RAP1GAP2: variants seen among roughly 807,000 people sequenced by gnomAD.
RAP1GAP2 encodes the protein RAP1 GTPase activating protein 2, also known as rap1 GTPase-activating protein 2.
In RAP1GAP2, 27 loss-of-function variants were observed where a neutral mutation model predicts 95.0. The observed-to-expected ratio is 0.28, with a 90% CI of 0.21 to 0.39. The LOEUF (loss-of-function observed/expected upper bound fraction) is 0.39, where lower values mean the gene tolerates loss of function less well. RAP1GAP2 is among the 10% of genes least tolerant of loss of function. The probability of loss-of-function intolerance (pLI) is 1.00; values close to 1 mark genes in which losing one functional copy is unlikely to be tolerated. For synonymous variants in RAP1GAP2, 373 were observed against 380.9 expected, an observed-to-expected ratio of 0.98 and a Z score of 0.24; for missense variants, 771 against 970.0, an observed-to-expected ratio of 0.79 and a Z score of 2.72.
chr17:2,981,476 G>A (rs2045354552), intron 10 of RAP1GAP2, among the ~76,000 whole-genome samples: 2 of 152,180 alleles, frequency 1.3e-5, no homozygotes, highest in South Asian at 2.1e-4. Context: ...TCCCCAGGCT[G>A]CTGTGAAGGT....
intron 3 of RAP1GAP2, among the ~76,000 whole-genome samples, 181 bp from the exon 4 acceptor site, chr17:2,957,578 G>C (rs1597719358): frequency 2.0e-5 from 3 of 152,168 alleles, no homozygotes; most frequent in African/African-American, 7.2e-5. Context: ...CTGTTGTATG[G>C]GGTGTTTGGC....
chr17:2,828,431 A>AAG (rs1460852040), intron 2 of RAP1GAP2, among the ~76,000 whole-genome samples: 1 of 151,274 alleles, frequency 6.6e-6, no homozygotes, highest in African/African-American at 2.4e-5. Flanking sequence ...AAAAAAAAAA[A>AAG]GAAGTGGCAT....
chr17:2,830,712 TCAAAA>T (rs569903071), intron 2 of RAP1GAP2, among the ~76,000 whole-genome samples: 7 of 151,900 alleles, frequency 4.6e-5, no homozygotes, highest in East Asian at 3.9e-4. Context: ...AGACTCTGTC[TCAAAA>T]CAAAACAAAA....
chr17:2,978,038 T>C (rs1427188176), intron 8 of RAP1GAP2, among the ~76,000 whole-genome samples: 1 of 152,144 alleles, frequency 6.6e-6, no homozygotes, highest in Non-Finnish European at 1.5e-5. Context: ...ACACATGTCA[T>C]CCTCTTTTCA....
At chr17:2,889,350 T>C (rs1209362684) in intron 2 of RAP1GAP2, among the ~76,000 whole-genome samples, 1 of 152,138 alleles carries the variant, frequency 6.6e-6, no homozygotes, top group Admixed American at 6.6e-5. Context: ...TTTGAGTTCA[T>C]TCAGTGCCAG....
chr17:3,013,074 G>T (rs901851839), intron 17 of RAP1GAP2, among the ~76,000 whole-genome samples: 1 of 152,206 alleles, frequency 6.6e-6, no homozygotes, highest in East Asian at 1.9e-4. Flanking sequence ...ACCCGGGACC[G>T]TGGCAAGCTG....
At chr17:2,879,346 C>G (rs1031895641) in intron 2 of RAP1GAP2, among the ~76,000 whole-genome samples, 2 of 150,536 alleles carry the variant, frequency 1.3e-5, no homozygotes, top group Non-Finnish European at 3.0e-5. Context: ...GAACTACTGA[C>G]CTCAAGTGAT....
intron 3 of RAP1GAP2, among the ~76,000 whole-genome samples, chr17:2,956,617 C>T (rs1032490818): frequency 5.3e-5 from 8 of 152,218 alleles, no homozygotes; most frequent in South Asian, 4.1e-4. Context: ...CCCGGCTTCG[C>T]GGTGCCCAGA....
chr17:2,820,858 A>C (rs1253855972), intron 2 of RAP1GAP2, among the ~76,000 whole-genome samples: 5 of 144,086 alleles, frequency 3.5e-5, no homozygotes, highest in African/African-American at 1.3e-4. Context: ...AGTAGCTGGG[A>C]CTACAGGTGC....
chr17:2,832,402 C>G (rs955344285), intron 2 of RAP1GAP2, among the ~76,000 whole-genome samples: 2 of 149,328 alleles, frequency 1.3e-5, no homozygotes, highest in African/African-American at 4.9e-5. Flanking sequence ...ACTAAAAATA[C>G]AAAAAATTAC....
At chr17:2,793,282 T>C (rs779622847), upstream of RAP1GAP2, among the ~76,000 whole-genome samples, 9 of 152,022 alleles carry the variant, frequency 5.9e-5, no homozygotes, top group Non-Finnish European at 8.8e-5. Context: ...GCCTCCTGAG[T>C]AGCTGGGAAT....
chr17:2,998,070 C>A (rs747039338), intron 13 of RAP1GAP2, 151 bp from the exon 14 acceptor site: 75 of 835,638 alleles, frequency 9.0e-5, no homozygotes, highest in Non-Finnish European at 1.3e-4. Context: ...ACTGTGCTTT[C>A]ATACTTAAAC....
chr17:2,858,168 G>C (rs1172484748), intron 2 of RAP1GAP2, among the ~76,000 whole-genome samples: 1 of 152,156 alleles, frequency 6.6e-6, no homozygotes, highest in Non-Finnish European at 1.5e-5. Context: ...TTCTGAACTG[G>C]AGAGAGGTCA....
chr17:2,891,004 CTG>C (rs2073695987), intron 2 of RAP1GAP2, among the ~76,000 whole-genome samples: 2 of 152,050 alleles, frequency 1.3e-5, no homozygotes, highest in Admixed American at 1.3e-4. Flanking sequence ...CTTTTTATGA[CTG>C]TGTAAATGTT....
At chr17:2,898,361 C>T (rs1286475593) in intron 2 of RAP1GAP2, among the ~76,000 whole-genome samples, 1 of 152,222 alleles carries the variant, frequency 6.6e-6, no homozygotes. Flanking sequence ...TCTCAAGCTA[C>T]CCATTCACTC....
intron 2 of RAP1GAP2, among the ~76,000 whole-genome samples, chr17:2,864,325 T>C (rs1469560054): frequency 6.6e-6 from 1 of 152,250 alleles, no homozygotes; most frequent in Non-Finnish European, 1.5e-5. Context: ...GGAGCGTCCA[T>C]GCCTGATGGG....
chr17:2,942,887 C>T (rs891540781), intron 3 of RAP1GAP2, among the ~76,000 whole-genome samples: 6 of 152,084 alleles, frequency 3.9e-5, no homozygotes, highest in Non-Finnish European at 8.8e-5. Context: ...CCTGCCTTAG[C>T]CTCCTGAGTA....
At chr17:2,872,453 A>G (rs1186025012) in intron 2 of RAP1GAP2, among the ~76,000 whole-genome samples, 9 of 149,828 alleles carry the variant, frequency 6.0e-5, no homozygotes, top group African/African-American at 2.3e-4. Context: ...CGTTGGTTAC[A>G]GAGGCTTATC....
In RAP1GAP2 at chr17:3,015,144, C is replaced by T. The variant is rs142567965; in HGVS notation, c.1495-2917C>T. On this transcript the variant is annotated intron_variant, in intron 17 of 24. Transcript: ENST00000254695. ...CTTGCGTGACGGGGTAAATAGAACGCGCTGACTGTTTTAACCATGCGGTAG... is the reference window on the plus strand; with the variant it reads ...CTTGCGTGACGGGGTAAATAGAACGTGCTGACTGTTTTAACCATGCGGTAG... Among the ~76,000 whole-genome samples, 1,031 of 152,268 alleles carry T rather than the reference C, an allele frequency of 6.8e-3. 43 individuals carry two copies. Among genetic ancestry groups the T allele is most frequent in the Admixed American group, 0.061 (935 of 15,280 alleles).
Sources: gnomAD v4.1 joint callset for allele counts (sites outside exome capture counted in the v4.1 genomes callset) on GRCh38, gnomAD v4.1.1 for gene constraint, MANE v1.5 for transcripts, NCBI Gene and HGNC (gene_info 2026-07-23, HGNC 2026-07-21) for gene names.